Variants in PCDH15 observed in about 807,000 individuals in gnomAD.
PCDH15 encodes protocadherin related 15.
In PCDH15, 129 loss-of-function variants were observed where a neutral mutation model predicts 178.5. The observed-to-expected ratio is 0.72, with a 90% CI of 0.63 to 0.84. The LOEUF (loss-of-function observed/expected upper bound fraction) is 0.84, where lower values mean the gene tolerates loss of function less well. Ranked by LOEUF, PCDH15 falls within the 40% of genes least tolerant of loss-of-function variation. The pLI, the probability that PCDH15 is intolerant of heterozygous loss-of-function variation, is 0.00. For synonymous variants in PCDH15, 800 were observed against 732.0 expected (o/e 1.09, Z -1.50); for missense variants, 2,230 against 2,099.9 (o/e 1.06, Z -1.21).
chr10:54,745,446 A>C (rs1209944598), intron 1 of PCDH15, among the ~76,000 whole-genome samples: 1 of 152,198 alleles, frequency 6.6e-6, no homozygotes, highest in Non-Finnish European at 1.5e-5. Flanking sequence ...ACCAACAGTT[A>C]TACGATCTCT....
intron 8 of PCDH15, among the ~76,000 whole-genome samples, chr10:54,238,755 TTC>T (rs1201582826): frequency 6.7e-6 from 1 of 149,884 alleles, no homozygotes; most frequent in African/African-American, 2.5e-5. Context: ...ATACCTGTAT[TTC>T]TCCCTAAACT....
At chr10:54,964,696 C>T (rs751814323) in intron 2 of PCDH15, among the ~76,000 whole-genome samples, 3 of 152,106 alleles carry the variant, frequency 2.0e-5, no homozygotes, top group African/African-American at 4.8e-5. Context: ...TCACTGATAG[C>T]GTTTGCAAGG....
intron 2 of PCDH15, among the ~76,000 whole-genome samples, chr10:55,507,861 A>T (rs1382040209): frequency 2.0e-5 from 3 of 151,702 alleles, no homozygotes; most frequent in Non-Finnish European, 1.5e-5. Context: ...ACCATGATCA[A>T]TTTAAGAGAT....
At chr10:54,011,691 C>T (rs2092591372) in intron 20 of PCDH15, among the ~76,000 whole-genome samples, 1 of 152,134 alleles carries the variant, frequency 6.6e-6, no homozygotes, top group African/African-American at 2.4e-5. Flanking sequence ...AAATATTTTG[C>T]TAATATATTC....
chr10:53,974,944 C>T (rs2090067028), intron 21 of PCDH15, among the ~76,000 whole-genome samples: 1 of 152,082 alleles, frequency 6.6e-6, no homozygotes, highest in South Asian at 2.1e-4. Flanking sequence ...CCCCCACCTC[C>T]TCTAATAGTC....
chr10:55,216,518 G>C (rs1296073043), intron 1 of PCDH15, among the ~76,000 whole-genome samples: 11 of 151,736 alleles, frequency 7.2e-5, no homozygotes, highest in Admixed American at 3.3e-4. Flanking sequence ...ATAAGTTCTG[G>C]TGTTCCATAG....
At chr10:55,147,450 A>AT (rs34222995) in intron 2 of PCDH15, among the ~76,000 whole-genome samples, 2 of 133,952 alleles carry the variant, frequency 1.5e-5, no homozygotes, top group Non-Finnish European at 1.7e-5. Flanking sequence ...CCTAATTTCA[A>AT]TTTTTAAAAA....
At chr10:55,385,693 C>CTATATATATATATATATATA (rs57143868) in intron 2 of PCDH15, among the ~76,000 whole-genome samples, 4 of 128,740 alleles carry the variant, frequency 3.1e-5, no homozygotes, top group African/African-American at 1.2e-4. Flanking sequence ...CTTCCTCTGC[C>CTATATATATATATATATATA]TATATATATA....
chr10:55,182,698 T>A (rs148085786), intron 1 of PCDH15, among the ~76,000 whole-genome samples: 1 of 152,092 alleles, frequency 6.6e-6, no homozygotes, highest in East Asian at 1.9e-4. Context: ...TTAGCATGAT[T>A]ACCGTTTTAA....
intron 14 of PCDH15, among the ~76,000 whole-genome samples, chr10:54,146,995 A>ATATATATATAATG (rs2044035517): frequency 1.4e-5 from 2 of 141,586 alleles, no homozygotes; most frequent in African/African-American, 5.3e-5. Flanking sequence ...TATATAATGT[A>ATATATATATAATG]TATATATAGT....
chr10:54,943,071 C>A (rs1838103307), intron 2 of PCDH15, among the ~76,000 whole-genome samples: 3 of 151,938 alleles, frequency 2.0e-5, no homozygotes, highest in Admixed American at 1.3e-4. Context: ...TGTAAGAAAT[C>A]ACAAATTTAT....
intron 3 of PCDH15, among the ~76,000 whole-genome samples, chr10:54,525,505 GC>G (rs1433362493): frequency 1.1e-4 from 17 of 152,168 alleles, no homozygotes; most frequent in Admixed American, 1.1e-3. Context: ...ATGCTTCAGT[GC>G]AGTGGAATGA....
At chr10:53,857,311 T>G in intron 27 of PCDH15, 48 bp from the exon 28 acceptor site, 1 of 1,453,048 alleles carries the variant, frequency 6.9e-7, no homozygotes, top group Non-Finnish European at 9.7e-7. Context: ...TCACTGAAAT[T>G]TCCATAATCA....
At chr10:55,527,262 T>C (rs1654342254) in intron 2 of PCDH15, among the ~76,000 whole-genome samples, 1 of 152,038 alleles carries the variant, frequency 6.6e-6, no homozygotes, top group African/African-American at 2.4e-5. Context: ...TTCTGGTGGC[T>C]AGAAATCCAA....
At chr10:55,468,596 T>C (rs1839890580) in intron 2 of PCDH15, 2 of 152,234 alleles carry the variant, frequency 1.3e-5, no homozygotes, top group Admixed American at 1.3e-4. Context: ...AGCAAATGTT[T>C]ATCTGAACAG....
At chr10:54,213,623 T>A (rs539859427) in intron 10 of PCDH15, among the ~76,000 whole-genome samples, 126 of 152,300 alleles carry the variant, frequency 8.3e-4, no homozygotes, top group African/African-American at 3.0e-3. Flanking sequence ...AAAACGCTAA[T>A]TCCTTTTAGT....
chr10:54,037,888 G>A (rs2093454469), intron 18 of PCDH15, among the ~76,000 whole-genome samples: 1 of 151,946 alleles, frequency 6.6e-6, no homozygotes, highest in South Asian at 2.1e-4. Flanking sequence ...CTTTGATTTG[G>A]TTTGCCCAGA....
chr10:54,639,160 T>A (rs973541663), intron 2 of PCDH15, among the ~76,000 whole-genome samples: 2 of 152,142 alleles, frequency 1.3e-5, no homozygotes, highest in African/African-American at 2.4e-5. Context: ...TCTTATAGAA[T>A]TGAAATTCCA....
At chr10:55,283,442 C>T (rs566629643) in intron 1 of PCDH15, among the ~76,000 whole-genome samples, 1 of 152,058 alleles carries the variant, frequency 6.6e-6, no homozygotes, top group African/African-American at 2.4e-5. Flanking sequence ...ACAGCCAGCT[C>T]TGCATGAATT....
Sources: allele counts gnomAD v4.1 joint callset (sites outside exome capture counted in the v4.1 genomes callset), GRCh38; gene constraint gnomAD v4.1.1; transcripts MANE v1.5; gene names NCBI Gene and HGNC (gene_info 2026-07-23, HGNC 2026-07-21).